The following GABBR2 variants were observed in gnomAD, a reference collection of about 807,000 sequenced individuals.
GABBR2 encodes the protein gamma-aminobutyric acid type B receptor subunit 2.
GABBR2 carries 23 observed loss-of-function variants against 105.6 expected under a neutral mutation model. The observed-to-expected ratio is 0.22, with a 90% confidence interval of 0.16 to 0.31. The LOEUF (loss-of-function observed/expected upper bound fraction) is 0.31, where lower values mean the gene tolerates loss of function less well. Ranked by LOEUF, GABBR2 falls within the 10% of genes least tolerant of loss-of-function variation. The pLI, the probability that GABBR2 is intolerant of heterozygous loss-of-function variation, is 1.00. For missense variants in GABBR2, 734 were observed against 1,245.5 expected (o/e 0.59, Z 6.18); for synonymous variants, 478 against 499.7 (o/e 0.96, Z 0.58).
At chr9:98,539,713 C>T (rs1241862369) in intron 3 of GABBR2, among the ~76,000 whole-genome samples, 1 of 151,946 alleles carries the variant, frequency 6.6e-6, no homozygotes, top group South Asian at 2.1e-4. Flanking sequence ...GTCAAGAGAT[C>T]GAGACCATCC....
At chr9:98,300,062 C>T (rs1830444500) in intron 16 of GABBR2, among the ~76,000 whole-genome samples, 1 of 150,766 alleles carries the variant, frequency 6.6e-6, no homozygotes, top group Non-Finnish European at 1.5e-5. Context: ...TGGGGTCTCT[C>T]TATGTTCCTC....
At position 98,306,567 on chromosome 9, in the gene GABBR2, C is replaced by T; in HGVS notation, c.2005-222G>A. 1.7e-6 allele frequency: 1 copy of T among 577,714 alleles called. No individual in the cohort carries two copies. Among genetic ancestry groups the T allele is most frequent in the Non-Finnish European group, 3.1e-6 (1 of 322,234 alleles). The allele number at this position is 577,714 out of a possible 1,614,324, so 35.8% of individuals were successfully genotyped here. On this transcript the variant is annotated intron_variant, in intron 14 of 18. Coordinates refer to ENST00000259455, the MANE Select transcript of GABBR2 (RefSeq NM_005458.8). This position sits in a 1 kb window ranked among gnomAD's most constrained non-coding sequence, Gnocchi z 5.4. The stretch of plus-strand genomic sequence containing the variant: ...CAAATGCAGACTGGGGATGTGACAG[C>T]TGTCCAGTTCTCCTGCACCCCTATG...
At chr9:98,325,861 T>C (rs776199081) in intron 13 of GABBR2, among the ~76,000 whole-genome samples, 2 of 152,190 alleles carry the variant, frequency 1.3e-5, no homozygotes, top group African/African-American at 2.4e-5. Flanking sequence ...CTCACACATA[T>C]ACATGCACAA....
At chr9:98,692,317 G>A (rs1416758143) in intron 1 of GABBR2, among the ~76,000 whole-genome samples, 5 of 152,172 alleles carry the variant, frequency 3.3e-5, no homozygotes, top group Non-Finnish European at 7.3e-5. Flanking sequence ...CCCCTGTGTG[G>A]CAAGCTGTGG....
chr9:98,342,864 G>C (rs1331131317), intron 13 of GABBR2, among the ~76,000 whole-genome samples: 1 of 152,216 alleles, frequency 6.6e-6, no homozygotes, highest in African/African-American at 2.4e-5. Flanking sequence ...ATTTTCAAAT[G>C]AGTAGCGTGA....
rs185893985 is a variant in GABBR2 at position 98,313,261 on chromosome 9, A to G, written c.1894-2056T>C. On this transcript the variant is annotated intron_variant, in intron 13 of 18. Coordinates refer to ENST00000259455, the MANE Select transcript of GABBR2 (RefSeq NM_005458.8). The stretch of plus-strand genomic sequence containing the variant: ...GAACTCTTCTTGCTCCCAGCCTTGC[A>G]ATCAACCATTTCTCCAAGGAGTCCT... Among the ~76,000 whole-genome samples the G allele has an allele frequency of 7.2e-5, 11 of 152,310 alleles. No homozygotes were observed. The East Asian group carries it at 9.6e-4, about 13-fold the overall frequency.
At chr9:98,706,579 G>T (rs923132101) in intron 1 of GABBR2, among the ~76,000 whole-genome samples, 1 of 152,076 alleles carries the variant, frequency 6.6e-6, no homozygotes, top group Non-Finnish European at 1.5e-5. Flanking sequence ...AAATGTAAAG[G>T]CTTCAACCCA....
intron 11 of GABBR2, among the ~76,000 whole-genome samples, chr9:98,377,419 C>T (rs1010945229): frequency 2.0e-5 from 3 of 152,216 alleles, no homozygotes; most frequent in African/African-American, 4.8e-5. Flanking sequence ...CTGGAGCTCA[C>T]TCAGAGGGGT....
At chr9:98,329,417 C>A (rs570018584) in intron 13 of GABBR2, among the ~76,000 whole-genome samples, 1 of 152,218 alleles carries the variant, frequency 6.6e-6, no homozygotes, top group Non-Finnish European at 1.5e-5. Flanking sequence ...ATGGAGGGAG[C>A]AAAACCAGCC....
At chr9:98,529,806 T>C (rs1828031035) in intron 3 of GABBR2, among the ~76,000 whole-genome samples, 2 of 152,296 alleles carry the variant, frequency 1.3e-5, no homozygotes, top group South Asian at 4.1e-4. Flanking sequence ...TCACTTCTCA[T>C]TTAAAAACCA....
chr9:98,477,163 G>T (rs1458740598), intron 5 of GABBR2, among the ~76,000 whole-genome samples: 1 of 152,210 alleles, frequency 6.6e-6, no homozygotes, highest in East Asian at 1.9e-4. Flanking sequence ...ACAGTGCCTG[G>T]TATACAGGGG....
chr9:98,599,236 T>G (rs765547579), intron 1 of GABBR2, among the ~76,000 whole-genome samples: 17 of 152,218 alleles, frequency 1.1e-4, no homozygotes, highest in Admixed American at 2.0e-4. Flanking sequence ...GGCAAGGCTC[T>G]GAGTCCCCAC....
chr9:98,577,861 A>G (rs1343049928), intron 2 of GABBR2, 74 bp downstream of exon 2: 2 of 1,428,312 alleles, frequency 1.4e-6, no homozygotes, highest in Non-Finnish European at 1.9e-6. Context: ...ACATTGTACA[A>G]GGAATAATTC....
At chr9:98,574,497 G>A (rs73494466) in intron 2 of GABBR2, among the ~76,000 whole-genome samples, 15,955 of 152,218 alleles carry the variant, frequency 0.1, 1,164 homozygotes, top group African/African-American at 0.21. Flanking sequence ...CCAGCCCCCA[G>A]CCTTCAAATC....
chr9:98,631,853 C>T (rs972422365), intron 1 of GABBR2, among the ~76,000 whole-genome samples: 5 of 152,164 alleles, frequency 3.3e-5, no homozygotes, highest in African/African-American at 1.2e-4. Context: ...ATGCATTCAA[C>T]TAGCAATGAG....
At chr9:98,586,195 G>A (rs1829072588) in intron 1 of GABBR2, among the ~76,000 whole-genome samples, 1 of 151,884 alleles carries the variant, frequency 6.6e-6, no homozygotes, top group Admixed American at 6.6e-5. Flanking sequence ...GAAGACCTCT[G>A]CGCCCACACC....
chr9:98,411,559 A>AT (rs11435821), intron 7 of GABBR2, among the ~76,000 whole-genome samples: 62,145 of 149,592 alleles, frequency 0.42, 13,206 homozygotes, highest in Admixed American at 0.55. Context: ...GTAAAATCCC[A>AT]TTTTTTTTTT....
chr9:98,664,770 C>T (rs1037485047), intron 1 of GABBR2, among the ~76,000 whole-genome samples: 2 of 152,122 alleles, frequency 1.3e-5, no homozygotes. Flanking sequence ...GATTCAGGTG[C>T]CTACCACATC....
At chr9:98,450,253 T>C (rs1185288630) in intron 7 of GABBR2, among the ~76,000 whole-genome samples, 1 of 152,176 alleles carries the variant, frequency 6.6e-6, no homozygotes, top group Non-Finnish European at 1.5e-5. Context: ...AATGCTTCCA[T>C]TTATTTCCAC....
Sources: gnomAD v4.1 joint callset for allele counts (sites outside exome capture counted in the v4.1 genomes callset) on GRCh38, gnomAD v4.1.1 for gene constraint, Gnocchi (gnomAD v3.1) non-coding constraint, MANE v1.5 for transcripts, NCBI Gene and HGNC (gene_info 2026-07-23, HGNC 2026-07-21) for gene names.